The following CLPB variants were observed in gnomAD, a reference collection of about 807,000 sequenced individuals.
CLPB encodes the protein ClpB family mitochondrial disaggregase.
In CLPB, 40 loss-of-function variants were observed where a neutral mutation model predicts 78.4. The observed-to-expected ratio is 0.51, with a 90% CI of 0.40 to 0.66. The LOEUF is 0.66. Ranked by LOEUF, CLPB falls within the 30% of genes least tolerant of loss-of-function variation. CLPB has a pLI of 0.00. For missense variants in CLPB, 780 were observed against 886.9 expected, an observed-to-expected ratio of 0.88 and a Z score of 1.53; for synonymous variants, 333 against 348.0, an observed-to-expected ratio of 0.96 and a Z score of 0.48.
At chr11:72,385,780 G>A (rs953730440) in intron 3 of CLPB, among the ~76,000 whole-genome samples, 5 of 152,106 alleles carry the variant, frequency 3.3e-5, no homozygotes, top group Non-Finnish European at 5.9e-5. Flanking sequence ...CCGAGATCGC[G>A]CCACTGCATC....
chr11:72,405,895 G>T (rs866032318), intron 2 of CLPB, among the ~76,000 whole-genome samples: 8 of 151,244 alleles, frequency 5.3e-5, no homozygotes, highest in Admixed American at 5.3e-4. Flanking sequence ...ACCACTGCAC[G>T]CCAGCCCGGG....
At chr11:72,373,061 G>A (rs1483530741) in intron 4 of CLPB, 2 of 1,539,686 alleles carry the variant, frequency 1.3e-6, no homozygotes, top group East Asian at 4.5e-5. Context: ...GCCAGGTCCT[G>A]CAGGCCCTGG....
chr11:72,333,206 C>T (rs925481595), intron 5 of CLPB, among the ~76,000 whole-genome samples: 9 of 152,206 alleles, frequency 5.9e-5, no homozygotes, highest in African/African-American at 2.2e-4. Context: ...CCACAATATA[C>T]CCCTGATGAA....
intron 4 of CLPB, among the ~76,000 whole-genome samples, chr11:72,379,557 A>T (rs1854836691): frequency 6.6e-6 from 1 of 152,150 alleles, no homozygotes; most frequent in Non-Finnish European, 1.5e-5. Flanking sequence ...AAACCCAAAC[A>T]CCTGCCTTGG....
intron 5 of CLPB, chr11:72,354,281 A>G (rs916256046): frequency 1.6e-4 from 41 of 254,092 alleles, no homozygotes; most frequent in East Asian, 1.3e-3. Flanking sequence ...GTGTGTGTAT[A>G]TATATATATA....
chr11:72,389,908 T>C (rs1326918408), intron 3 of CLPB, among the ~76,000 whole-genome samples: 1 of 151,740 alleles, frequency 6.6e-6, no homozygotes, highest in Non-Finnish European at 1.5e-5. Context: ...AAAAGAAAGA[T>C]TATCAGCCAT....
chr11:72,408,883 C>T (rs772026187), intron 2 of CLPB, among the ~76,000 whole-genome samples: 3 of 152,166 alleles, frequency 2.0e-5, no homozygotes, highest in South Asian at 2.1e-4. Flanking sequence ...GCCAGCTAGG[C>T]GGCGGGCTGC....
At chr11:72,390,390 AT>A (rs1398184249) in intron 3 of CLPB, among the ~76,000 whole-genome samples, 1 of 150,808 alleles carries the variant, frequency 6.6e-6, no homozygotes, top group African/African-American at 2.4e-5. Context: ...GTGAGCCAAG[AT>A]CACACCACTG....
chr11:72,433,540 G>GAAATAAATAAAT (rs563884899), intron 1 of CLPB, among the ~76,000 whole-genome samples: 61 of 138,676 alleles, frequency 4.4e-4, no homozygotes, highest in South Asian at 1.2e-3. Flanking sequence ...CTCCATCTCA[G>GAAATAAATAAAT]AAATAAATAA....
At chr11:72,296,361 CT>C (rs1338759028) in intron 11 of CLPB, among the ~76,000 whole-genome samples, 2 of 152,150 alleles carry the variant, frequency 1.3e-5, no homozygotes, top group Admixed American at 1.3e-4. Flanking sequence ...GGGAAGTTTC[CT>C]TGGAATCTTC....
chr11:72,314,161 A>C (rs1185720661), intron 7 of CLPB, among the ~76,000 whole-genome samples: 1 of 152,174 alleles, frequency 6.6e-6, no homozygotes, highest in African/African-American at 2.4e-5. Flanking sequence ...GTAATATGGA[A>C]TATGCGTCAT....
chr11:72,340,480 T>G (rs1429857973), intron 5 of CLPB, among the ~76,000 whole-genome samples: 1 of 152,226 alleles, frequency 6.6e-6, no homozygotes, highest in Non-Finnish European at 1.5e-5. Flanking sequence ...GGAACATGTC[T>G]GTGTACAGCT....
chr11:72,294,157 A>C, intron 14 of CLPB, 31 bp from the exon 15 acceptor site: 1 of 1,610,222 alleles, frequency 6.2e-7, no homozygotes, highest in African/African-American at 1.3e-5. Flanking sequence ...GCATGCCTGC[A>C]TGTGGCCCAC....
intron 7 of CLPB, among the ~76,000 whole-genome samples, chr11:72,316,449 T>A (rs560634743): frequency 6.6e-6 from 1 of 152,282 alleles, no homozygotes; most frequent in East Asian, 1.9e-4. Context: ...AGAACAAAGA[T>A]GAGGCCACTG....
intron 2 of CLPB, among the ~76,000 whole-genome samples, chr11:72,422,559 A>G (rs769720342): frequency 1.3e-5 from 2 of 152,204 alleles, no homozygotes; most frequent in Non-Finnish European, 2.9e-5. Context: ...AGCTCTCACT[A>G]TAAGTATCAA....
chr11:72,381,568 G>T (rs574975642), intron 3 of CLPB, among the ~76,000 whole-genome samples: 141 of 152,084 alleles, frequency 9.3e-4, no homozygotes, highest in Non-Finnish European at 1.8e-3. Context: ...TAGCGCCAGG[G>T]CAGCCTTGGT....
chr11:72,329,883 G>T, intron 5 of CLPB, 79 bp from the exon 6 acceptor site: 1 of 1,104,434 alleles, frequency 9.1e-7, no homozygotes, highest in Non-Finnish European at 1.4e-6. Flanking sequence ...GTGGCTTAAG[G>T]CTCTGATTTC....
At chr11:72,344,140 C>T (rs896487752) in intron 5 of CLPB, among the ~76,000 whole-genome samples, 6 of 152,150 alleles carry the variant, frequency 3.9e-5, no homozygotes, top group Non-Finnish European at 7.4e-5. Context: ...CCTCTTTTTC[C>T]TCCTCTCCAT....
At chr11:72,315,182 T>C (rs1255719556) in intron 7 of CLPB, among the ~76,000 whole-genome samples, 1 of 152,124 alleles carries the variant, frequency 6.6e-6, no homozygotes, top group Non-Finnish European at 1.5e-5. Flanking sequence ...GAGTTTCTAT[T>C]TAAGAGACCA....
Sources: allele counts gnomAD v4.1 joint callset (sites outside exome capture counted in the v4.1 genomes callset), GRCh38; gene constraint gnomAD v4.1.1; transcripts MANE v1.5; gene names NCBI Gene and HGNC (gene_info 2026-07-23, HGNC 2026-07-21).